FNBP1L: variants seen among roughly 807,000 people sequenced by gnomAD.
The protein encoded by FNBP1L is formin-binding protein 1-like.
A neutral mutation model predicts 91.2 loss-of-function variants in FNBP1L; 36 were observed. That is an observed-to-expected ratio of 0.39 (90% CI 0.30 to 0.52). FNBP1L has a LOEUF of 0.52. Ranked by LOEUF, FNBP1L falls within the 20% of genes least tolerant of loss-of-function variation. The pLI is 0.66. For synonymous variants in FNBP1L, 242 were observed against 237.0 expected (o/e 1.02, Z -0.19); for missense variants, 571 against 732.1 (o/e 0.78, Z 2.54).
intron 5 of FNBP1L, among the ~76,000 whole-genome samples, chr1:93,527,801 G>A (rs555981088): frequency 4.4e-4 from 67 of 151,728 alleles, no homozygotes; most frequent in Admixed American, 7.2e-4. Context: ...CTAATATGCA[G>A]GAAAGAAGGC....
intron 1 of FNBP1L, among the ~76,000 whole-genome samples, chr1:93,449,727 T>C (rs1007127600): frequency 1.3e-5 from 2 of 152,254 alleles, no homozygotes; most frequent in South Asian, 4.1e-4. Context: ...TAATTGTTCT[T>C]ATATTGGGGA....
intron 1 of FNBP1L, among the ~76,000 whole-genome samples, chr1:93,452,250 T>C (rs1668522186): frequency 6.6e-6 from 1 of 152,250 alleles, no homozygotes; most frequent in Non-Finnish European, 1.5e-5. Flanking sequence ...TTGATTGCAT[T>C]ACCCAGAGTA....
intron 12 of FNBP1L, among the ~76,000 whole-genome samples, chr1:93,545,851 TA>T (rs34287128): frequency 0.83 from 122,170 of 146,796 alleles, 50,759 homozygotes; most frequent in East Asian, 1. Flanking sequence ...GGAGGAAGCT[TA>T]AAAAAAAAAA....
At chr1:93,485,351 T>A (rs1669863818) in intron 1 of FNBP1L, among the ~76,000 whole-genome samples, 1 of 152,150 alleles carries the variant, frequency 6.6e-6, no homozygotes, top group African/African-American at 2.4e-5. Context: ...CCTAAGAACA[T>A]ATACTATTTT....
At chr1:93,528,378 G>GT (rs1671558554) in intron 5 of FNBP1L, among the ~76,000 whole-genome samples, 2 of 152,306 alleles carry the variant, frequency 1.3e-5, no homozygotes, top group South Asian at 2.1e-4. Flanking sequence ...AGACAGGATA[G>GT]TTACACAGGA....
chr1:93,503,378 G>C (rs966286158), intron 2 of FNBP1L, among the ~76,000 whole-genome samples: 8 of 152,030 alleles, frequency 5.3e-5, no homozygotes, highest in Non-Finnish European at 8.8e-5. Flanking sequence ...GGGGATTATG[G>C]GAACTGTAAT....
chr1:93,471,974 G>A (rs1056016428), intron 1 of FNBP1L, among the ~76,000 whole-genome samples: 13 of 152,108 alleles, frequency 8.5e-5, no homozygotes, highest in Non-Finnish European at 1.9e-4. Context: ...TGTGATTCTT[G>A]CCTGTCTGAG....
intron 1 of FNBP1L, among the ~76,000 whole-genome samples, chr1:93,448,712 C>T (rs1356829022): frequency 1.3e-5 from 2 of 152,162 alleles, no homozygotes; most frequent in Non-Finnish European, 2.9e-5. Flanking sequence ...GGCCCATTGT[C>T]CCCAAGGGGC....
chr1:93,505,695 T>G (rs1370549341), intron 2 of FNBP1L, among the ~76,000 whole-genome samples: 3 of 152,250 alleles, frequency 2.0e-5, no homozygotes, highest in African/African-American at 7.2e-5. Flanking sequence ...AAATAAATTT[T>G]GCTTCTAAGA....
At chr1:93,502,659 A>G (rs993309290) in intron 2 of FNBP1L, among the ~76,000 whole-genome samples, 2 of 152,210 alleles carry the variant, frequency 1.3e-5, no homozygotes, top group Non-Finnish European at 2.9e-5. Flanking sequence ...TGAAAAGTAG[A>G]ATTTTGTATT....
At chr1:93,519,642 A>G (rs987400747) in intron 2 of FNBP1L, among the ~76,000 whole-genome samples, 6 of 152,208 alleles carry the variant, frequency 3.9e-5, no homozygotes, top group African/African-American at 4.8e-5. Context: ...GTGTAGTGAC[A>G]TATTAAATAT....
intron 1 of FNBP1L, among the ~76,000 whole-genome samples, chr1:93,478,856 T>C (rs577776822): frequency 6.6e-6 from 1 of 152,278 alleles, no homozygotes; most frequent in East Asian, 1.9e-4. Flanking sequence ...GAGGTAAATG[T>C]TTGGTAAGTT....
intron 1 of FNBP1L, among the ~76,000 whole-genome samples, chr1:93,481,730 G>A (rs1669711809): frequency 6.6e-6 from 1 of 152,050 alleles, no homozygotes; most frequent in Admixed American, 6.6e-5. Context: ...TGAATAAACT[G>A]TCCATTTCTA....
chr1:93,463,713 A>G (rs187516917), intron 1 of FNBP1L, among the ~76,000 whole-genome samples: 3 of 151,760 alleles, frequency 2.0e-5, no homozygotes, highest in African/African-American at 7.3e-5. Flanking sequence ...GTGGGAAACA[A>G]CTCTGTCAAC....
At chr1:93,535,944 G>A (rs1186455772) in intron 9 of FNBP1L, among the ~76,000 whole-genome samples, 3 of 151,918 alleles carry the variant, frequency 2.0e-5, no homozygotes, top group Admixed American at 2.0e-4. Context: ...TTTTATGTGC[G>A]ACATTACCTG....
At chr1:93,500,583 T>A (rs1020184501) in intron 2 of FNBP1L, among the ~76,000 whole-genome samples, 2 of 152,210 alleles carry the variant, frequency 1.3e-5, no homozygotes, top group Non-Finnish European at 2.9e-5. Flanking sequence ...CCTTTAGTCA[T>A]ACTGACTTTG....
At chr1:93,510,336 C>T (rs1487638397) in intron 2 of FNBP1L, among the ~76,000 whole-genome samples, 4 of 135,232 alleles carry the variant, frequency 3.0e-5, no homozygotes, top group South Asian at 2.5e-4. Context: ...AGGCACCCCC[C>T]AGCAGGGGCA....
At chr1:93,543,988 TTG>T in intron 11 of FNBP1L, 117 bp from the exon 12 acceptor site, 1 of 582,178 alleles carries the variant, frequency 1.7e-6, no homozygotes. Context: ...AAGGGGTTGC[TTG>T]AGGCAAATTT....
chr1:93,519,652 T>C (rs1671254272), intron 2 of FNBP1L, among the ~76,000 whole-genome samples: 1 of 152,192 alleles, frequency 6.6e-6, no homozygotes, highest in Non-Finnish European at 1.5e-5. Flanking sequence ...ATATTAAATA[T>C]CAGCAAAACT....
Sources: allele counts gnomAD v4.1 joint callset (sites outside exome capture counted in the v4.1 genomes callset), GRCh38; gene constraint gnomAD v4.1.1; transcripts MANE v1.5; gene names NCBI Gene and HGNC (gene_info 2026-07-23, HGNC 2026-07-21).